The following SNTG2 variants were observed in gnomAD, a reference collection of about 807,000 sequenced individuals.
SNTG2 encodes syntrophin gamma 2.
In SNTG2, 74 loss-of-function variants were observed where a neutral mutation model predicts 70.9. The ratio of observed to expected loss-of-function variants is 1.04; its 90% CI spans 0.86 to 1.27. The LOEUF (loss-of-function observed/expected upper bound fraction) is 1.27. SNTG2 is among the 50% of genes most tolerant of loss of function. The pLI is 0.00. For synonymous variants in SNTG2, 278 were observed against 273.8 expected, an observed-to-expected ratio of 1.02 and a Z score of -0.15; for missense variants, 717 against 690.7, an observed-to-expected ratio of 1.04 and a Z score of -0.43.
chr2:1,309,221 A>G (rs890139250), intron 15 of SNTG2, among the ~76,000 whole-genome samples: 3 of 152,244 alleles, frequency 2.0e-5, no homozygotes, highest in African/African-American at 7.2e-5. Context: ...GTCTTTTATT[A>G]GCAATCCCAA....
chr2:1,260,610 T>A (rs1382885566), intron 13 of SNTG2, among the ~76,000 whole-genome samples: 1 of 152,258 alleles, frequency 6.6e-6, no homozygotes, highest in Non-Finnish European at 1.5e-5. Context: ...TTTCTCTCAG[T>A]GATGGCTTTT....
chr2:1,115,511 G>A (rs112269679), intron 4 of SNTG2, among the ~76,000 whole-genome samples: 1 of 152,186 alleles, frequency 6.6e-6, no homozygotes, highest in Admixed American at 6.5e-5. Flanking sequence ...ACAGTCCTTT[G>A]AGGAGGATCA....
At chr2:1,200,785 G>A (rs1461312438) in intron 8 of SNTG2, among the ~76,000 whole-genome samples, 2 of 151,552 alleles carry the variant, frequency 1.3e-5, no homozygotes, top group African/African-American at 4.8e-5. Context: ...ACAGATATAT[G>A]AAAAAAATGC....
intron 8 of SNTG2, among the ~76,000 whole-genome samples, chr2:1,197,513 A>ATG (rs769754945): frequency 1.2e-4 from 10 of 85,288 alleles, no homozygotes; most frequent in South Asian, 4.9e-4. Flanking sequence ...GTATGTATAT[A>ATG]TATGTGTGTG....
intron 16 of SNTG2, among the ~76,000 whole-genome samples, chr2:1,331,132 C>G (rs891667397): frequency 2.6e-5 from 4 of 152,194 alleles, no homozygotes; most frequent in East Asian, 1.9e-4. Context: ...CACGTCGTGT[C>G]CTGGACAACA....
intron 1 of SNTG2, among the ~76,000 whole-genome samples, chr2:1,047,226 A>G (rs1397507349): frequency 6.6e-6 from 1 of 152,086 alleles, no homozygotes; most frequent in African/African-American, 2.4e-5. Context: ...TAAAATGGGT[A>G]TTTCATCTTT....
At chr2:1,162,071 C>CA (rs58579024) in intron 6 of SNTG2, among the ~76,000 whole-genome samples, 34,771 of 89,436 alleles carry the variant, frequency 0.39, 7,737 homozygotes, top group Middle Eastern at 0.48. Flanking sequence ...GACTCCGTCT[C>CA]AAAAAAAAAA....
chr2:1,184,853 A>G (rs567040074), intron 8 of SNTG2, among the ~76,000 whole-genome samples: 1 of 152,300 alleles, frequency 6.6e-6, no homozygotes, highest in Non-Finnish European at 1.5e-5. Flanking sequence ...TCCTTCTCAC[A>G]TTGCAGAATA....
At chr2:1,260,950 G>T (rs1332321519) in intron 13 of SNTG2, among the ~76,000 whole-genome samples, 1 of 152,008 alleles carries the variant, frequency 6.6e-6, no homozygotes, top group African/African-American at 2.4e-5. Context: ...TACATATGTG[G>T]TTCATTAGTA....
At chr2:1,082,752 G>C (rs990766675) in intron 1 of SNTG2, among the ~76,000 whole-genome samples, 6 of 152,254 alleles carry the variant, frequency 3.9e-5, no homozygotes, top group African/African-American at 1.4e-4. Flanking sequence ...TGCCTGACCG[G>C]CGGCCTGCTC....
intron 1 of SNTG2, among the ~76,000 whole-genome samples, chr2:1,022,467 ATGAGTCCCTGAGTTCCCG>A (rs762323943): frequency 5.8e-4 from 88 of 150,848 alleles, no homozygotes; most frequent in East Asian, 3.9e-4. Context: ...CTGAGTTCCC[ATGAGTCCCTGAGTTCCCG>A]TGAGTCCCTG....
chr2:1,234,110 G>A (rs1676450459), intron 9 of SNTG2, among the ~76,000 whole-genome samples: 2 of 152,190 alleles, frequency 1.3e-5, no homozygotes, highest in Non-Finnish European at 2.9e-5. Context: ...AGAGAGGCCG[G>A]GTTCCAACTG....
At chr2:952,945 G>C (rs1660025870) in intron 1 of SNTG2, among the ~76,000 whole-genome samples, 1 of 151,684 alleles carries the variant, frequency 6.6e-6, no homozygotes. Flanking sequence ...TATTCAACTT[G>C]TGTAATTATT....
At chr2:1,277,319 C>T (rs1679308506) in intron 14 of SNTG2, among the ~76,000 whole-genome samples, 2 of 152,098 alleles carry the variant, frequency 1.3e-5, no homozygotes, top group African/African-American at 2.4e-5. Context: ...AAGAAACTAC[C>T]ACAGCCGCTC....
chr2:1,198,937 G>A (rs1216796870), intron 8 of SNTG2, among the ~76,000 whole-genome samples: 1 of 151,984 alleles, frequency 6.6e-6, no homozygotes, highest in African/African-American at 2.4e-5. Flanking sequence ...TTTTAATTCT[G>A]AATTCTTTCA....
chr2:1,251,899 G>A (rs1414121340), intron 12 of SNTG2, among the ~76,000 whole-genome samples: 1 of 152,216 alleles, frequency 6.6e-6, no homozygotes, highest in South Asian at 2.1e-4. Context: ...ACTCCAGCCG[G>A]CAGTGATGCT....
intron 10 of SNTG2, 133 bp from the exon 11 acceptor site, chr2:1,239,605 C>T: frequency 1.2e-6 from 1 of 865,284 alleles, no homozygotes; most frequent in Non-Finnish European, 1.8e-6. Context: ...GCTAGGTCTT[C>T]AGATAGGAAA....
In SNTG2 at chr2:1,297,592, C is replaced by G. The variant is rs548252396; in HGVS notation, c.1285-10902C>G. 4.5e-3 allele frequency among the ~76,000 whole-genome samples: 679 copies of G among 152,260 alleles called. 5 individuals carry two copies. The highest frequency in any genetic ancestry group is 0.015 in the African/African-American group (637 of 41,542). On this transcript the variant is annotated intron_variant, in intron 14 of 16. Transcript: ENST00000308624. ...CCTCTACAGCTCCTTCCCAGCGGCC[C>G]AGCCCGTCGCCTCTGCAGCTCCTTC... is the stretch of plus-strand genomic sequence containing the variant.
chr2:1,239,885 T>G (rs1415601743), intron 11 of SNTG2, 109 bp downstream of exon 11: 2 of 1,367,550 alleles, frequency 1.5e-6, no homozygotes, highest in Non-Finnish European at 2.0e-6. Flanking sequence ...TTTTGAAATT[T>G]GATTTGAAAA....
Sources: allele counts gnomAD v4.1 joint callset (sites outside exome capture counted in the v4.1 genomes callset), GRCh38; gene constraint gnomAD v4.1.1; transcripts MANE v1.5; gene names NCBI Gene and HGNC (gene_info 2026-07-23, HGNC 2026-07-21).